TRMT6: variants seen among roughly 807,000 people sequenced by gnomAD.
The protein encoded by TRMT6 is tRNA (adenine(58)-N(1))-methyltransferase non-catalytic subunit TRM6.
TRMT6 carries 34 observed loss-of-function variants against 59.0 expected under a neutral mutation model. The ratio of observed to expected loss-of-function variants is 0.58; its 90% CI spans 0.44 to 0.77. TRMT6 has a LOEUF of 0.77. Among genes scored for constraint, TRMT6 ranks in the 30% least tolerant of loss-of-function variants. TRMT6 has a pLI of 0.00. For synonymous variants in TRMT6, 217 were observed against 210.5 expected (o/e 1.03, Z -0.27); for missense variants, 575 against 604.5 (o/e 0.95, Z 0.51).
chr20:5,939,754 T>A (rs1313382131), intron 10 of TRMT6, among the ~76,000 whole-genome samples: 1 of 152,110 alleles, frequency 6.6e-6, no homozygotes, highest in Non-Finnish European at 1.5e-5. Context: ...AGGCAACTTC[T>A]CTCCTCTTTC....
At chr20:5,939,573 C>T (rs1014383808) in intron 10 of TRMT6, among the ~76,000 whole-genome samples, 9 of 151,704 alleles carry the variant, frequency 5.9e-5, no homozygotes, top group Non-Finnish European at 1.2e-4. Context: ...ATGTTTCTGG[C>T]GGAGAATGGG....
rs748691723 is a variant in TRMT6 at position 5,942,800 on chromosome 20, A to T, written c.668-14T>A. 2 of 1,596,374 alleles carry T rather than the reference A, an allele frequency of 1.3e-6. No individual in the cohort carries two copies. Among genetic ancestry groups the T allele is most frequent in the Admixed American group, 3.4e-5 (2 of 57,988 alleles). ...TGGAGCCAAAACCTGAACAGATAAAAGAAACAAACATCTGCCCGTGGAGTG... is the reference window on the plus strand; with the variant it reads ...TGGAGCCAAAACCTGAACAGATAAATGAAACAAACATCTGCCCGTGGAGTG... On this transcript the variant is annotated splice_polypyrimidine_tract_variant and intron_variant, in intron 6 of 10. Coordinates refer to ENST00000203001, the MANE Select transcript of TRMT6 (RefSeq NM_015939.5).
In TRMT6 at chr20:5,950,522, C is replaced by T. The variant is rs2088784704; in HGVS notation, c.-117G>A. 2 of 1,205,492 alleles carry T rather than the reference C, an allele frequency of 1.7e-6. No homozygotes were observed. Among genetic ancestry groups the T allele is most frequent in the Non-Finnish European group, 2.2e-6 (2 of 904,684 alleles). 74.7% of individuals were successfully genotyped at this position (1,205,492 alleles called of 1,614,324 possible). ...TAGGAGCCCTCCGACCGGCACCGCC[C>T]CCACGTGTTGCACGCCGCTTCCGCT... On this transcript the variant is annotated 5_prime_UTR_variant, in exon 1 of 11. Transcript: ENST00000203001.
intron 5 of TRMT6, 88 bp from the exon 6 acceptor site, chr20:5,943,771 A>G (rs555959394): frequency 4.0e-5 from 62 of 1,553,490 alleles, no homozygotes; most frequent in South Asian, 3.3e-4. Flanking sequence ...TTGCTTTATT[A>G]AAATTGTGTT....
chr20:5,950,263 A>G lies in TRMT6; in HGVS notation c.128+15T>C. The stretch of plus-strand genomic sequence containing the variant: ...GTGGGGGCGGGAGACCCCTAAAATC[A>G]GCGATCTGACTTACTTTCTCCGCTG... On this transcript the variant is annotated intron_variant, in intron 1 of 10. Coordinates refer to ENST00000203001, the MANE Select transcript of TRMT6 (RefSeq NM_015939.5). 1 of 1,592,312 alleles carries G rather than the reference A, an allele frequency of 6.3e-7. No individual in the cohort carries two copies. Among genetic ancestry groups the G allele is most frequent in the Non-Finnish European group, 8.6e-7 (1 of 1,164,696 alleles).
chr20:5,938,679 C>T lies in TRMT6; in HGVS notation c.1350G>A (p.Gly450=), dbSNP rs1030380618. The T allele has an allele frequency of 6.2e-7, 1 of 1,614,128 alleles. No homozygotes were observed. The highest frequency in any genetic ancestry group is 1.7e-5 in the Admixed American group (1 of 60,020). ...SHPKLLMSGG[G]GYLLSGFTVA... is the part of the protein sequence containing the mutation. ...CGGTGAAGCCGGAGAGAAGATAACC[C>T]CCACCTCCACTCATCAGCAGTTTAG... The change falls in exon 11 of 11, where the codon GGG becomes GGA. Residue 450 remains glycine, a synonymous_variant. Coordinates refer to ENST00000203001, the MANE Select transcript of TRMT6 (RefSeq NM_015939.5).
At chr20:5,947,642 C>T (rs1286497157) in intron 1 of TRMT6, among the ~76,000 whole-genome samples, 1 of 152,340 alleles carries the variant, frequency 6.6e-6, no homozygotes. Context: ...TACTTACATA[C>T]AACAGAATGT....
chr20:5,941,821 AC>A (rs2088658394), intron 8 of TRMT6, 129 bp downstream of exon 8: 3 of 778,722 alleles, frequency 3.9e-6, no homozygotes, highest in Non-Finnish European at 6.2e-6. Flanking sequence ...CTTTAAAAAA[AC>A]CCCCAAGACA....
At chr20:5,939,119 C>G (rs1048517010) in intron 10 of TRMT6, among the ~76,000 whole-genome samples, 6 of 152,062 alleles carry the variant, frequency 3.9e-5, no homozygotes, top group African/African-American at 9.7e-5. Context: ...GGACCAACTT[C>G]TAAGGACTAA....
intron 8 of TRMT6, 80 bp downstream of exon 8, chr20:5,941,871 A>G: frequency 8.1e-7 from 1 of 1,238,848 alleles, no homozygotes; most frequent in African/African-American, 1.5e-5. Flanking sequence ...CAAAGCAGAC[A>G]AGGAGAAAGA....
intron 8 of TRMT6, chr20:5,941,727 C>T: frequency 1.8e-6 from 1 of 569,700 alleles, no homozygotes. Flanking sequence ...CATCTTGATG[C>T]AGTGATGGAG....
chr20:5,943,306 C>A (rs2088675295), intron 6 of TRMT6, among the ~76,000 whole-genome samples: 1 of 152,176 alleles, frequency 6.6e-6, no homozygotes, highest in African/African-American at 2.4e-5. Flanking sequence ...CAGCCACAGG[C>A]TCCAGCATCA....
chr20:5,942,260 C>A lies in TRMT6; in HGVS notation c.1026+168G>T, dbSNP rs144584358. The stretch of plus-strand genomic sequence containing the variant: ...GCTTCTGTATCCTAAAGCTCCATCC[C>A]GAAGACCGAATCACACGTTTGTATA... On this transcript the variant is annotated intron_variant, in intron 7 of 10. Transcript: ENST00000203001. 311 of 764,380 alleles carry A rather than the reference C, an allele frequency of 4.1e-4. 1 individual carries two copies. In the African/African-American group the frequency reaches 5.0e-3, roughly 12 times the overall value. 47.3% of individuals were successfully genotyped at this position (764,380 alleles called of 1,614,324 possible). A position where few individuals can be genotyped will look rare whatever the true frequency, so the allele number is the denominator to read the frequency against.
Position 5,938,406 on chromosome 20 carries a change from TC to T in TRMT6, c.*128del. 9.9e-7 allele frequency: 1 copy of T among 1,012,706 alleles called. No individual in the cohort carries two copies. The highest frequency in any genetic ancestry group is 1.5e-6 in the Non-Finnish European group (1 of 687,756). 62.7% of individuals were successfully genotyped at this position (1,012,706 alleles called of 1,614,324 possible). ...TAGACAAAAGGCATATACTCCTCCT[TC>T]CTAGAAACGGGTACATAGACATGTT... is the stretch of plus-strand genomic sequence containing the variant. On this transcript the variant is annotated 3_prime_UTR_variant, in exon 11 of 11. Transcript: ENST00000203001.
At chr20:5,945,011 C>G (rs1366502339) in intron 2 of TRMT6, 97 bp from the exon 3 acceptor site, 1 of 912,718 alleles carries the variant, frequency 1.1e-6, no homozygotes, top group Non-Finnish European at 1.7e-6. Flanking sequence ...ATCAGCCACT[C>G]AAGTCTGGCC....
intron 1 of TRMT6, among the ~76,000 whole-genome samples, chr20:5,947,361 AT>A (rs751399818): frequency 9.2e-5 from 14 of 152,182 alleles, no homozygotes; most frequent in Non-Finnish European, 1.9e-4. Flanking sequence ...GTTAATTCTG[AT>A]TGTGCCCCAT....
chr20:5,941,223 C>T lies in TRMT6; in HGVS notation c.1215+20G>A. The stretch of plus-strand genomic sequence containing the variant: ...AACATTCAGACATAAGAATTCCTGC[C>T]CATTCCATTCCAGTATTACCTCTTT... On this transcript the variant is annotated intron_variant, in intron 9 of 10. Coordinates refer to ENST00000203001, the MANE Select transcript of TRMT6 (RefSeq NM_015939.5). 6.2e-7 allele frequency: 1 copy of T among 1,609,972 alleles called. No homozygotes were observed. The highest frequency in any genetic ancestry group is 8.5e-7 in the Non-Finnish European group (1 of 1,176,224).
Position 5,943,609 on chromosome 20 carries a change from A to G in TRMT6, c.617T>C (p.Met206Thr). The part of the protein sequence containing the change: ...NIRAGNKMIV[M>T]ETCAGLVLGA... The stretch of plus-strand genomic sequence containing the variant: ...CAGCACCAAGCCTGCACACGTTTCC[A>G]TCACAATCATTTTGTTGCCAGCACG... The change falls in exon 6 of 11, where the codon ATG becomes ACG. Residue 206 changes from methionine to threonine, a missense_variant. By Grantham distance (81) the Met-to-Thr change is moderately conservative. Transcript: ENST00000203001. The G allele has an allele frequency of 6.2e-7, 1 of 1,614,252 alleles. No individual in the cohort carries two copies. Among genetic ancestry groups the G allele is most frequent in the Non-Finnish European group, 8.5e-7 (1 of 1,180,044 alleles).
At chr20:5,949,486 C>T (rs2088753364) in intron 1 of TRMT6, among the ~76,000 whole-genome samples, 1 of 152,190 alleles carries the variant, frequency 6.6e-6, no homozygotes. Flanking sequence ...TTATCAAAAT[C>T]CCACTTCTTT....
Sources: gnomAD v4.1 joint callset for allele counts (sites outside exome capture counted in the v4.1 genomes callset) on GRCh38, gnomAD v4.1.1 for gene constraint, MANE v1.5 for transcripts, NCBI Gene and HGNC (gene_info 2026-07-23, HGNC 2026-07-21) for gene names.